Variants in TMEM132C observed in about 807,000 individuals in gnomAD.
TMEM132C encodes the protein transmembrane protein 132C, also known as protein phosphatase 1, regulatory subunit 152.
A neutral mutation model predicts 61.4 loss-of-function variants in TMEM132C; 29 were observed. The ratio of observed to expected loss-of-function variants is 0.47; its 90% CI spans 0.35 to 0.64. The LOEUF (loss-of-function observed/expected upper bound fraction) is 0.64, where lower values mean the gene tolerates loss of function less well. TMEM132C is among the 30% of genes least tolerant of loss of function. The probability of loss-of-function intolerance (pLI) is 0.00; values close to 1 mark genes in which losing one functional copy is unlikely to be tolerated. For missense variants in TMEM132C, 1,408 were observed against 1,476.9 expected (o/e 0.95, Z 0.76); for synonymous variants, 656 against 633.1 (o/e 1.04, Z -0.54).
Position 128,655,015 on chromosome 12 carries a change from A to T in TMEM132C, c.1306-14402A>T, listed in dbSNP as rs374121944. Among the ~76,000 whole-genome samples, 34 of 152,296 alleles carry T rather than the reference A, an allele frequency of 2.2e-4. No homozygotes were observed. In the East Asian group the frequency reaches 6.0e-3, roughly 27 times the overall value. On this transcript the variant is annotated intron_variant, in intron 4 of 8. Transcript: ENST00000435159. ...ATCTAAGGCAGTCGCAGAGGAAATGAGGGGAATTGTTAGTGTTGTCATCAG... is the reference window on the plus strand; with the variant it reads ...ATCTAAGGCAGTCGCAGAGGAAATGTGGGGAATTGTTAGTGTTGTCATCAG...
In TMEM132C at chr12:128,267,328, G is replaced by C. The variant is rs1448518232; in HGVS notation, c.-75G>C. ...GCTGCGGGAGTGGCCCCGGGCATGG[G>C]GCGGCCGGCGGGGGCCGCGGGCGGG... On this transcript the variant is annotated 5_prime_UTR_variant, in exon 1 of 9. Transcript: ENST00000435159. 4.3e-6 allele frequency: 4 copies of C among 937,732 alleles called. No individual in the cohort carries two copies. In the Admixed American group the frequency reaches 2.5e-4, roughly 59 times the overall value. 58.1% of individuals were successfully genotyped at this position (937,732 alleles called of 1,614,324 possible). A position where few individuals can be genotyped will look rare whatever the true frequency, so the allele number is the denominator to read the frequency against.
intron 4 of TMEM132C, among the ~76,000 whole-genome samples, chr12:128,622,665 C>T (rs1438080140): frequency 6.6e-6 from 1 of 151,900 alleles, no homozygotes; most frequent in Non-Finnish European, 1.5e-5. Context: ...CTTCACTCTG[C>T]TCTGGGGTCC....
intron 5 of TMEM132C, among the ~76,000 whole-genome samples, chr12:128,689,517 G>C (rs1954703108): frequency 6.6e-6 from 1 of 152,138 alleles, no homozygotes; most frequent in African/African-American, 2.4e-5. Context: ...ACGTGCATTT[G>C]ATTTTCTTGT....
chr12:128,273,819 T>A (rs1160153458), intron 1 of TMEM132C, among the ~76,000 whole-genome samples: 2 of 152,244 alleles, frequency 1.3e-5, no homozygotes, highest in Non-Finnish European at 2.9e-5. Flanking sequence ...AGTATATTCC[T>A]TACACTGTTT....
At chr12:128,394,121 C>T (rs568981920) in intron 1 of TMEM132C, among the ~76,000 whole-genome samples, 10 of 152,216 alleles carry the variant, frequency 6.6e-5, no homozygotes, top group South Asian at 2.1e-4. Context: ...TCTTACATGG[C>T]GGCAGACAAA....
At chr12:128,433,002 AAAAT>A (rs72373120) in intron 2 of TMEM132C, among the ~76,000 whole-genome samples, 81,014 of 146,182 alleles carry the variant, frequency 0.55, 22,905 homozygotes, top group Middle Eastern at 0.63. Context: ...CACCAGCCAA[AAAAT>A]AAATAAATAA....
chr12:128,348,505 A>G (rs566130780), intron 1 of TMEM132C, among the ~76,000 whole-genome samples: 3 of 152,228 alleles, frequency 2.0e-5, no homozygotes, highest in Non-Finnish European at 4.4e-5. Flanking sequence ...TTGTTCTACT[A>G]TTGATCCTAG....
chr12:128,431,035 C>T (rs1441316511), intron 2 of TMEM132C, among the ~76,000 whole-genome samples: 3 of 152,304 alleles, frequency 2.0e-5, no homozygotes, highest in East Asian at 1.9e-4. Context: ...ATGAGGAAGG[C>T]ATGTGGAAAG....
At chr12:128,464,894 T>C (rs12319183) in intron 2 of TMEM132C, among the ~76,000 whole-genome samples, 31,559 of 151,938 alleles carry the variant, frequency 0.21, 3,773 homozygotes, top group African/African-American at 0.32. Context: ...GGGCCTCAGG[T>C]ACCACTTAGG....
In TMEM132C at chr12:128,598,024, C is replaced by T. The variant is rs549892991; in HGVS notation, c.1122-18128C>T. Among the ~76,000 whole-genome samples the T allele has an allele frequency of 5.3e-5, 8 of 152,292 alleles. No individual in the cohort carries two copies. In the East Asian group the frequency reaches 1.5e-3, roughly 29 times the overall value. On this transcript the variant is annotated intron_variant, in intron 3 of 8. Coordinates refer to ENST00000435159, the MANE Select transcript of TMEM132C (RefSeq NM_001136103.3). ...ATCCAAGTAAAAGATTTCAGGGGCT[C>T]CCCAGAGCACGTCCTCCTAACGTGA...
rs767066742 is a variant in TMEM132C, at chr12:128,622,360, A to AATATATAT, written c.1305+6059_1305+6066dup. Among the ~76,000 whole-genome samples the AATATATAT allele has an allele frequency of 3.8e-3, 113 of 29,972 alleles. 1 individual carries two copies. The highest frequency in any genetic ancestry group is 6.7e-3 in the African/African-American group (40 of 5,982). 19.7% of individuals were successfully genotyped at this position (29,972 alleles called of 152,430 possible). A position where few individuals can be genotyped will look rare whatever the true frequency, so the allele number is the denominator to read the frequency against. ...CTTTGTCTCAAAAAAAAAAAAAAAA[A>AATATATAT]ATATATATATATATATATATATATA... On this transcript the variant is annotated intron_variant, in intron 4 of 8. Coordinates refer to ENST00000435159, the MANE Select transcript of TMEM132C (RefSeq NM_001136103.3).
intron 1 of TMEM132C, among the ~76,000 whole-genome samples, chr12:128,293,795 A>AT (rs1593000447): frequency 6.6e-6 from 1 of 152,146 alleles, no homozygotes; most frequent in Admixed American, 6.5e-5. Context: ...ACTGGAGCAT[A>AT]TATTTCCCGC....
chr12:128,557,756 T>G (rs191218304), intron 3 of TMEM132C, among the ~76,000 whole-genome samples: 22 of 152,370 alleles, frequency 1.4e-4, no homozygotes, highest in Admixed American at 1.4e-3. Context: ...TTGAGGCTCC[T>G]TCTCATATCT....
At chr12:128,345,630 A>T (rs991606883) in intron 1 of TMEM132C, among the ~76,000 whole-genome samples, 1 of 151,618 alleles carries the variant, frequency 6.6e-6, no homozygotes, top group African/African-American at 2.4e-5. Context: ...ATGGTGTCCC[A>T]TTGCAGTTTT....
At chr12:128,434,901 T>C (rs1869528100) in intron 2 of TMEM132C, among the ~76,000 whole-genome samples, 2 of 152,190 alleles carry the variant, frequency 1.3e-5, no homozygotes, top group African/African-American at 4.8e-5. Flanking sequence ...GGATTGCAGG[T>C]GTGAGCCACC....
intron 8 of TMEM132C, 139 bp from the exon 9 acceptor site, chr12:128,704,951 G>T: frequency 1.1e-6 from 1 of 926,140 alleles, no homozygotes; most frequent in Non-Finnish European, 1.6e-6. Flanking sequence ...AAACCTGTAT[G>T]ATTTCTCCCC....
At chr12:128,395,559 C>G (rs1408784895) in intron 1 of TMEM132C, among the ~76,000 whole-genome samples, 5 of 152,194 alleles carry the variant, frequency 3.3e-5, no homozygotes, top group Admixed American at 6.5e-5. Context: ...GCAGCTCAGC[C>G]TAGCCTGCCT....
intron 2 of TMEM132C, among the ~76,000 whole-genome samples, chr12:128,500,438 CATT>C (rs1872131209): frequency 6.6e-6 from 1 of 151,960 alleles, no homozygotes; most frequent in Non-Finnish European, 1.5e-5. Flanking sequence ...ATTTACCAAT[CATT>C]ATCTGATAAG....
At chr12:128,355,410 A>G (rs1873472013) in intron 1 of TMEM132C, among the ~76,000 whole-genome samples, 1 of 152,122 alleles carries the variant, frequency 6.6e-6, no homozygotes, top group Non-Finnish European at 1.5e-5. Flanking sequence ...CAAAGCTGGC[A>G]CATGGGCCTC....
Sources: gnomAD v4.1 joint callset for allele counts (sites outside exome capture counted in the v4.1 genomes callset) on GRCh38, gnomAD v4.1.1 for gene constraint, MANE v1.5 for transcripts, NCBI Gene and HGNC (gene_info 2026-07-23, HGNC 2026-07-21) for gene names.